The following FGD5 variants were observed in gnomAD, a reference collection of about 807,000 sequenced individuals.
FGD5 encodes the protein FYVE, RhoGEF and PH domain containing 5.
Under a neutral mutation model 133.4 loss-of-function variants are expected in FGD5, and 28 were observed. The ratio of observed to expected loss-of-function variants is 0.21; its 90% CI spans 0.16 to 0.29. FGD5 has a LOEUF of 0.29. Among genes scored for constraint, FGD5 ranks in the 10% least tolerant of loss-of-function variants. The probability of loss-of-function intolerance (pLI) is 1.00; values close to 1 mark genes in which losing one functional copy is unlikely to be tolerated. For synonymous variants in FGD5, 810 were observed against 776.5 expected (o/e 1.04, Z -0.72); for missense variants, 1,858 against 1,895.2 (o/e 0.98, Z 0.36).
At chr3:14,868,451 T>C (rs2037540330) in intron 2 of FGD5, among the ~76,000 whole-genome samples, 3 of 152,250 alleles carry the variant, frequency 2.0e-5, no homozygotes. Flanking sequence ...CTTGCACCTG[T>C]AGCCTCACCT....
Position 14,819,219 on chromosome 3 carries a change from C to T in FGD5, c.148C>T (p.Pro50Ser), listed in dbSNP as rs2125066690. ...TGTAGACAGGGGGCTTGATGAGGGGCCCCGGTCCATCCCAAAGTGCTCTGA... is the reference window on the plus strand; with the variant it reads ...TGTAGACAGGGGGCTTGATGAGGGGTCCCGGTCCATCCCAAAGTGCTCTGA... ...PCVDRGLDEG[P>S]RSIPKCSESE... Residue 50 changes from proline to serine, a missense_variant, in exon 1 of 20, where the codon CCC becomes TCC. Pro to Ser is a moderately conservative substitution (Grantham distance 74). Transcript: ENST00000285046. This position sits in a 1 kb window ranked among gnomAD's most constrained non-coding sequence, Gnocchi z 4.1. 1.3e-6 allele frequency: 2 copies of T among 1,548,234 alleles called. No homozygotes were observed. The highest frequency in any genetic ancestry group is 1.7e-6 in the Non-Finnish European group (2 of 1,145,740).
At chr3:14,843,275 A>G (rs2036960055) in intron 1 of FGD5, among the ~76,000 whole-genome samples, 1 of 152,192 alleles carries the variant, frequency 6.6e-6, no homozygotes, top group African/African-American at 2.4e-5. Flanking sequence ...ACTGTGATCC[A>G]CAGCATGAGA....
At chr3:14,886,174 T>C (rs2037921417) in intron 4 of FGD5, among the ~76,000 whole-genome samples, 1 of 152,176 alleles carries the variant, frequency 6.6e-6, no homozygotes, top group Non-Finnish European at 1.5e-5. Context: ...GTTTTAACCA[T>C]TGCATCTATA....
intron 2 of FGD5, among the ~76,000 whole-genome samples, chr3:14,871,886 G>A (rs1045722808): frequency 1.3e-5 from 2 of 152,208 alleles, no homozygotes; most frequent in African/African-American, 4.8e-5. Flanking sequence ...ACTTGGCAGT[G>A]GTCACTCTCT....
chr3:14,880,894 G>A (rs2125117997), intron 4 of FGD5, 122 bp downstream of exon 4: 1 of 1,278,824 alleles, frequency 7.8e-7, no homozygotes, highest in Non-Finnish European at 1.1e-6. Flanking sequence ...GCAGCAGGCA[G>A]GCACTCACCG....
chr3:14,849,646 G>C (rs530144122), intron 1 of FGD5, among the ~76,000 whole-genome samples: 2 of 152,284 alleles, frequency 1.3e-5, no homozygotes, highest in South Asian at 4.1e-4. Context: ...GCTCAGCTCA[G>C]TGCTTAATAA....
chr3:14,918,805 T>C lies in FGD5; in HGVS notation c.3541T>C (p.Ser1181Pro), dbSNP rs2038614026. The change falls in exon 13 of 20, where the codon TCC (serine) becomes CCC (proline). Residue 1181 changes from serine (S) to proline (P), a missense_variant. Transcript: ENST00000285046. ...GCCCTACGCTCTAAAGATTGAGACT[T>C]CCGAGTCCTGCCTGATGCTGTCTGC... Reference protein sequence around the residue: ...KVPYALKIETSESCLMLSASS... With the variant: ...KVPYALKIETPESCLMLSASS... The C allele has an allele frequency of 6.2e-7, 1 of 1,613,928 alleles. No homozygotes were observed. Among genetic ancestry groups the C allele is most frequent in the East Asian group, 2.2e-5 (1 of 44,880 alleles).
chr3:14,893,977 C>CA (rs1383179970), intron 4 of FGD5, among the ~76,000 whole-genome samples: 2 of 151,104 alleles, frequency 1.3e-5, no homozygotes, highest in East Asian at 4.0e-4. Context: ...TGGTTGGTCT[C>CA]AAACTCCTGA....
intron 9 of FGD5, among the ~76,000 whole-genome samples, 151 bp from the exon 10 acceptor site, chr3:14,907,487 CCA>C (rs2038362470): frequency 6.6e-6 from 1 of 152,200 alleles, no homozygotes; most frequent in Non-Finnish European, 1.5e-5. Flanking sequence ...GGCTCGGATC[CCA>C]GTCCTGCCTT....
chr3:14,926,812 T>C (rs1260417060), intron 18 of FGD5, among the ~76,000 whole-genome samples: 3 of 151,906 alleles, frequency 2.0e-5, no homozygotes, highest in African/African-American at 7.3e-5. Flanking sequence ...TCTATCTCCA[T>C]GCTTCACCAG....
chr3:14,908,034 G>C (rs1422883389), intron 10 of FGD5, among the ~76,000 whole-genome samples: 1 of 152,200 alleles, frequency 6.6e-6, no homozygotes, highest in Non-Finnish European at 1.5e-5. Context: ...TGGGAAAACA[G>C]AAAATGATCT....
chr3:14,853,597 G>A (rs1370730922), intron 1 of FGD5, among the ~76,000 whole-genome samples: 1 of 143,298 alleles, frequency 7.0e-6, no homozygotes, highest in Non-Finnish European at 1.5e-5. Context: ...ATTTGAGGTT[G>A]GAGTGCCCAC....
intron 19 of FGD5, 53 bp downstream of exon 19, chr3:14,932,784 A>G (rs2038921618): frequency 3.2e-6 from 5 of 1,579,978 alleles, no homozygotes; most frequent in Non-Finnish European, 1.7e-6. Context: ...AGAAGGCAAC[A>G]AGTTGTTTCT....
chr3:14,835,635 TAAGC>T (rs924947409), intron 1 of FGD5, among the ~76,000 whole-genome samples: 6 of 152,228 alleles, frequency 3.9e-5, no homozygotes, highest in Non-Finnish European at 5.9e-5. Flanking sequence ...TTTCTCCCAG[TAAGC>T]ACCCTTTGGA....
intron 1 of FGD5, among the ~76,000 whole-genome samples, chr3:14,846,148 T>G (rs550047565): frequency 4.9e-4 from 74 of 152,306 alleles, no homozygotes; most frequent in African/African-American, 1.6e-3. Context: ...TCGTGTTAAT[T>G]GAACCCGTGT....
intron 18 of FGD5, among the ~76,000 whole-genome samples, chr3:14,929,670 T>C (rs796968512): frequency 5.9e-5 from 9 of 152,376 alleles, no homozygotes; most frequent in African/African-American, 1.9e-4. Context: ...GAAGTGTCTA[T>C]TCAGATCTCT....
intron 18 of FGD5, among the ~76,000 whole-genome samples, chr3:14,930,424 C>T (rs1467387520): frequency 3.3e-5 from 5 of 152,052 alleles, no homozygotes; most frequent in South Asian, 2.1e-4. Context: ...AATGAAACCC[C>T]GTCTCTACTA....
chr3:14,901,053 G>C lies in FGD5; in HGVS notation c.3256G>C (p.Glu1086Gln), dbSNP rs374953401. Reference protein sequence around the residue: ...KVTDRANDSMEQGENLQKLVH... With the variant: ...KVTDRANDSMQQGENLQKLVH... ...CACAGACCGTGCCAACGACAGCATGGAGCAAGGGGTGAGTGCGGCCTGGCG... is the reference window on the plus strand; with the variant it reads ...CACAGACCGTGCCAACGACAGCATGCAGCAAGGGGTGAGTGCGGCCTGGCG... The change falls in exon 9 of 20, where the codon GAG becomes CAG. Residue 1086 changes from glutamate to glutamine, a missense_variant. Glu to Gln is a conservative substitution (Grantham distance 29). Coordinates refer to ENST00000285046, the MANE Select transcript of FGD5 (RefSeq NM_152536.4). 1 of 1,613,992 alleles carries C rather than the reference G, an allele frequency of 6.2e-7. No individual in the cohort carries two copies. Among genetic ancestry groups the C allele is most frequent in the Non-Finnish European group, 8.5e-7 (1 of 1,179,868 alleles).
chr3:14,811,751 G>GGC (rs1414677810), intron 1 of FGD5, among the ~76,000 whole-genome samples: 1 of 152,160 alleles, frequency 6.6e-6, no homozygotes. Flanking sequence ...CCAGTCCTCG[G>GGC]GATTCCCAAC....
Sources: allele counts gnomAD v4.1 joint callset (sites outside exome capture counted in the v4.1 genomes callset), GRCh38; gene constraint gnomAD v4.1.1; non-coding constraint Gnocchi (gnomAD v3.1); transcripts MANE v1.5; gene names NCBI Gene and HGNC (gene_info 2026-07-23, HGNC 2026-07-21).